The following KCNAB1 variants were observed in gnomAD, a reference collection of about 807,000 sequenced individuals.
The protein encoded by KCNAB1 is voltage-gated potassium channel subunit beta-1.
Under a neutral mutation model 64.6 loss-of-function variants are expected in KCNAB1, and 35 were observed. The observed-to-expected ratio is 0.54, with a 90% CI of 0.41 to 0.72. The LOEUF is 0.72. KCNAB1 is among the 30% of genes least tolerant of loss of function. The probability of loss-of-function intolerance (pLI) is 0.00; values close to 1 mark genes in which losing one functional copy is unlikely to be tolerated. For synonymous variants in KCNAB1, 177 were observed against 183.8 expected, an observed-to-expected ratio of 0.96 and a Z score of 0.30; for missense variants, 401 against 512.9, an observed-to-expected ratio of 0.78 and a Z score of 2.11.
At chr3:156,439,350 T>C (rs939339211) in intron 2 of KCNAB1, among the ~76,000 whole-genome samples, 2 of 151,922 alleles carry the variant, frequency 1.3e-5, no homozygotes, top group African/African-American at 4.8e-5. Flanking sequence ...TCAGGCGTGT[T>C]GGAAGGAAGA....
chr3:156,413,514 T>G (rs1714828249), intron 1 of KCNAB1, among the ~76,000 whole-genome samples: 1 of 152,088 alleles, frequency 6.6e-6, no homozygotes, highest in Admixed American at 6.5e-5. Context: ...CCCTATGAAG[T>G]AGTTTCTATT....
intron 7 of KCNAB1, among the ~76,000 whole-genome samples, chr3:156,473,829 A>C (rs1189204743): frequency 6.6e-6 from 1 of 152,228 alleles, no homozygotes; most frequent in East Asian, 1.9e-4. Context: ...AAAGAGGCTG[A>C]TAAGAGAATG....
At chr3:156,216,627 G>C (rs1715337212) in intron 1 of KCNAB1, among the ~76,000 whole-genome samples, 1 of 152,228 alleles carries the variant, frequency 6.6e-6, no homozygotes. Flanking sequence ...ATGAGGCAGA[G>C]TAGACTCTGG....
At chr3:156,327,113 G>T (rs1023024870) in intron 1 of KCNAB1, among the ~76,000 whole-genome samples, 23 of 152,130 alleles carry the variant, frequency 1.5e-4, no homozygotes, top group African/African-American at 5.1e-4. Flanking sequence ...AAACGTAAGA[G>T]CAATAATAAA....
At chr3:156,378,152 G>T (rs1015067233) in intron 1 of KCNAB1, among the ~76,000 whole-genome samples, 4 of 152,146 alleles carry the variant, frequency 2.6e-5, no homozygotes, top group African/African-American at 9.7e-5. Context: ...ACAGACCTGG[G>T]TAGAGAAGTA....
chr3:156,271,932 G>C (rs999632866), intron 1 of KCNAB1, among the ~76,000 whole-genome samples: 2 of 152,246 alleles, frequency 1.3e-5, no homozygotes, highest in African/African-American at 4.8e-5. Flanking sequence ...CTCAGGCCAA[G>C]TAACACTGTA....
intron 1 of KCNAB1, among the ~76,000 whole-genome samples, chr3:156,308,145 A>G (rs1354906623): frequency 6.6e-6 from 1 of 152,218 alleles, no homozygotes; most frequent in African/African-American, 2.4e-5. Context: ...ACTTTCAGTA[A>G]TAGATTGGAA....
intron 1 of KCNAB1, among the ~76,000 whole-genome samples, chr3:156,389,043 C>T (rs1485447852): frequency 6.6e-6 from 1 of 152,226 alleles, no homozygotes; most frequent in East Asian, 1.9e-4. Context: ...AGTTCCACAG[C>T]CACATGTCTA....
intron 1 of KCNAB1, among the ~76,000 whole-genome samples, chr3:156,388,514 ATTCTC>A (rs1269186044): frequency 6.6e-6 from 1 of 152,188 alleles, no homozygotes; most frequent in Non-Finnish European, 1.5e-5. Flanking sequence ...CCTTGAGCTG[ATTCTC>A]TTCAGTCTGT....
rs10576749 is a variant in KCNAB1, at chr3:156,127,884, GGTGTGTGTGT to G, written c.275+7024_275+7033del. Among the ~76,000 whole-genome samples, 11 of 147,662 alleles carry G rather than the reference GGTGTGTGTGT, an allele frequency of 7.4e-5. No individual in the cohort carries two copies. The East Asian group carries it at 1.0e-3, about 14-fold the overall frequency. ...CAGTTTTAGATTCCTCTTCATTTGG[GGTGTGTGTGT>G]GTGTGTGTGTGTGTGTGTGTGTGTG... On this transcript the variant is annotated intron_variant, in intron 1 of 13. Transcript: ENST00000490337.
At chr3:156,250,267 C>T (rs1207197030) in intron 1 of KCNAB1, among the ~76,000 whole-genome samples, 1 of 152,162 alleles carries the variant, frequency 6.6e-6, no homozygotes, top group Non-Finnish European at 1.5e-5. Context: ...TCCATCCTTT[C>T]TAACAAGGGA....
At chr3:156,241,187 T>C (rs968559902) in intron 1 of KCNAB1, among the ~76,000 whole-genome samples, 6 of 152,250 alleles carry the variant, frequency 3.9e-5, no homozygotes, top group African/African-American at 1.2e-4. Context: ...GAAGACAAAC[T>C]TATAATGCAT....
intron 1 of KCNAB1, among the ~76,000 whole-genome samples, chr3:156,280,788 T>A (rs1460873970): frequency 6.6e-6 from 1 of 151,956 alleles, no homozygotes; most frequent in Non-Finnish European, 1.5e-5. Context: ...TGTGTAAGAA[T>A]GCTTGTGATT....
intron 1 of KCNAB1, among the ~76,000 whole-genome samples, chr3:156,387,789 A>G (rs746456469): frequency 6.6e-6 from 1 of 152,202 alleles, no homozygotes; most frequent in Admixed American, 6.5e-5. Context: ...AATGGTGTGA[A>G]TGAGCGGGCA....
intron 8 of KCNAB1, among the ~76,000 whole-genome samples, chr3:156,485,097 A>G (rs1715104901): frequency 6.6e-6 from 1 of 152,120 alleles, no homozygotes; most frequent in South Asian, 2.1e-4. Context: ...ATATGTTTAC[A>G]CTTTTAGGAA....
chr3:156,152,546 A>G (rs1715474934), intron 1 of KCNAB1, among the ~76,000 whole-genome samples: 1 of 152,202 alleles, frequency 6.6e-6, no homozygotes, highest in Non-Finnish European at 1.5e-5. Context: ...ATTTTTAGAC[A>G]ATGGATTTTG....
intron 1 of KCNAB1, chr3:156,217,874 A>C (rs1560141557): frequency 6.6e-6 from 1 of 152,262 alleles, no homozygotes; most frequent in Non-Finnish European, 1.5e-5. Flanking sequence ...TTAAGATGGC[A>C]AATAGGAGGC....
intron 13 of KCNAB1, 113 bp from the exon 14 acceptor site, chr3:156,536,545 C>T (rs1318848436): frequency 1.3e-6 from 1 of 757,294 alleles, no homozygotes; most frequent in Non-Finnish European, 2.3e-6. Flanking sequence ...TAGATTTCAG[C>T]TGTGGTTTAT....
chr3:156,431,632 CT>C (rs1451930635), intron 2 of KCNAB1, among the ~76,000 whole-genome samples: 6 of 152,192 alleles, frequency 3.9e-5, no homozygotes, highest in African/African-American at 1.4e-4. Context: ...AGTCTCAGTT[CT>C]TTTCAGGCGT....
Sources: gnomAD v4.1 joint callset for allele counts (sites outside exome capture counted in the v4.1 genomes callset) on GRCh38, gnomAD v4.1.1 for gene constraint, MANE v1.5 for transcripts, NCBI Gene and HGNC (gene_info 2026-07-23, HGNC 2026-07-21) for gene names.